SLC4A4: variants seen among roughly 807,000 people sequenced by gnomAD.
SLC4A4 encodes the protein solute carrier family 4 member 4.
Under a neutral mutation model 111.5 loss-of-function variants are expected in SLC4A4, and 27 were observed. That is an observed-to-expected ratio of 0.24 (90% CI 0.18 to 0.33). The LOEUF (loss-of-function observed/expected upper bound fraction) is 0.33. Ranked by LOEUF, SLC4A4 falls within the 10% of genes least tolerant of loss-of-function variation. SLC4A4 has a pLI of 1.00. For missense variants in SLC4A4, 909 were observed against 1,315.5 expected (o/e 0.69, Z 4.78); for synonymous variants, 443 against 463.4 (o/e 0.96, Z 0.57).
At chr4:71,156,099 G>A (rs1034082193) in intron 2 of SLC4A4, among the ~76,000 whole-genome samples, 3 of 152,184 alleles carry the variant, frequency 2.0e-5, no homozygotes, top group African/African-American at 4.8e-5. Flanking sequence ...TAAAAGCCAA[G>A]TTTTGGACTT....
chr4:71,508,079 C>T lies in SLC4A4; in HGVS notation c.2166+10387C>T, dbSNP rs6858222. ...ATGTACCAGAATCACTAGGATGTAG[C>T]TAAAACAGTGTTAAGAGGGAACTTT... On this transcript the variant is annotated intron_variant, in intron 16 of 25. Coordinates refer to ENST00000264485, the MANE Select transcript of SLC4A4 (RefSeq NM_001098484.3). 9.0e-3 allele frequency among the ~76,000 whole-genome samples: 1,374 copies of T among 152,102 alleles called. 21 individuals are homozygous for T. Among genetic ancestry groups the T allele is most frequent in the African/African-American group, 0.03 (1,259 of 41,496 alleles).
At chr4:71,320,916 G>A (rs1727068512) in intron 3 of SLC4A4, among the ~76,000 whole-genome samples, 3 of 151,962 alleles carry the variant, frequency 2.0e-5, no homozygotes, top group African/African-American at 7.2e-5. Context: ...TTTTGAAATG[G>A]CACTTACTTA....
chr4:71,367,298 G>T (rs1340463914), intron 6 of SLC4A4, among the ~76,000 whole-genome samples: 4 of 152,158 alleles, frequency 2.6e-5, no homozygotes, highest in African/African-American at 9.7e-5. Flanking sequence ...ATACACATTA[G>T]AAGCTAAAGG....
At chr4:71,414,242 T>G (rs1721645896) in intron 7 of SLC4A4, among the ~76,000 whole-genome samples, 1 of 152,180 alleles carries the variant, frequency 6.6e-6, no homozygotes, top group African/African-American at 2.4e-5. Context: ...CCCTGACATC[T>G]CTGTTTTGTT....
At chr4:71,081,684 C>A (rs535729242) in intron 1 of SLC4A4, among the ~76,000 whole-genome samples, 1 of 152,222 alleles carries the variant, frequency 6.6e-6, no homozygotes, top group East Asian at 1.9e-4. Flanking sequence ...CCAGAACTAC[C>A]ATTTGGAACT....
intron 6 of SLC4A4, among the ~76,000 whole-genome samples, chr4:71,368,927 C>T (rs964145235): frequency 6.6e-6 from 1 of 152,074 alleles, no homozygotes; most frequent in Non-Finnish European, 1.5e-5. Context: ...CTTTAACCCG[C>T]TTGTGTGATT....
chr4:71,486,866 C>CT, intron 14 of SLC4A4, 82 bp from the exon 15 acceptor site: 1 of 695,846 alleles, frequency 1.4e-6, no homozygotes, highest in Non-Finnish European at 2.3e-6. Context: ...TATAACCCTG[C>CT]TTTTAAAAAT....
chr4:71,266,046 G>C (rs557868777), intron 3 of SLC4A4, among the ~76,000 whole-genome samples: 6 of 152,158 alleles, frequency 3.9e-5, no homozygotes, highest in Non-Finnish European at 7.4e-5. Context: ...TCTTTGTTCA[G>C]CCACAAGATA....
At chr4:71,562,215 AAAAC>A (rs1206835202) in intron 23 of SLC4A4, among the ~76,000 whole-genome samples, 1 of 151,744 alleles carries the variant, frequency 6.6e-6, no homozygotes, top group Non-Finnish European at 1.5e-5. Flanking sequence ...TACCCTTTCC[AAAAC>A]AAACAAACAA....
chr4:71,330,777 T>A (rs1258541195), intron 3 of SLC4A4, among the ~76,000 whole-genome samples: 1 of 152,002 alleles, frequency 6.6e-6, no homozygotes, highest in Non-Finnish European at 1.5e-5. Flanking sequence ...CAAAAGAAAC[T>A]ACCATCAGAG....
chr4:71,331,994 C>T (rs985372215), intron 3 of SLC4A4, among the ~76,000 whole-genome samples: 2 of 152,104 alleles, frequency 1.3e-5, no homozygotes, highest in Non-Finnish European at 2.9e-5. Flanking sequence ...TGTAATGATC[C>T]TTTGAATTTC....
intron 2 of SLC4A4, among the ~76,000 whole-genome samples, chr4:71,172,249 CTTTTT>C (rs1744965182): frequency 6.6e-6 from 1 of 151,232 alleles, no homozygotes; most frequent in Non-Finnish European, 1.5e-5. Flanking sequence ...TAGATATTTT[CTTTTT>C]CTTTCTTTTT....
chr4:71,139,119 T>A (rs1373111929), intron 2 of SLC4A4, among the ~76,000 whole-genome samples: 1 of 149,610 alleles, frequency 6.7e-6, no homozygotes, highest in Non-Finnish European at 1.5e-5. Flanking sequence ...CCACAAGGGA[T>A]CATTCGGTTG....
chr4:71,566,813 A>T (rs6813934), intron 24 of SLC4A4, among the ~76,000 whole-genome samples, 191 bp from the exon 25 acceptor site: 2 of 151,532 alleles, frequency 1.3e-5, no homozygotes, highest in Non-Finnish European at 2.9e-5. Flanking sequence ...GAAAACCTAA[A>T]GTAAAAGAGA....
At chr4:71,135,436 C>T (rs1472569477) in intron 2 of SLC4A4, among the ~76,000 whole-genome samples, 3 of 151,788 alleles carry the variant, frequency 2.0e-5, no homozygotes, top group Non-Finnish European at 4.4e-5. Flanking sequence ...GCCAGGACTA[C>T]AGGCCTGCAC....
At chr4:71,507,842 A>G (rs1731555905) in intron 16 of SLC4A4, among the ~76,000 whole-genome samples, 1 of 152,218 alleles carries the variant, frequency 6.6e-6, no homozygotes. Flanking sequence ...CATAATCGGA[A>G]GTTAAACACT....
intron 1 of SLC4A4, among the ~76,000 whole-genome samples, chr4:71,204,685 G>GA (rs749633713): frequency 8.6e-5 from 13 of 151,622 alleles, no homozygotes; most frequent in Admixed American, 3.9e-4. Context: ...ACTTTAAGTG[G>GA]AAAAAAAATC....
intron 7 of SLC4A4, among the ~76,000 whole-genome samples, chr4:71,427,165 A>G (rs1229507612): frequency 1.3e-5 from 2 of 152,066 alleles, no homozygotes; most frequent in African/African-American, 2.4e-5. Context: ...AAATTCATTA[A>G]TCTCTAGTTT....
chr4:71,549,450 A>G (rs1015396538), intron 20 of SLC4A4, among the ~76,000 whole-genome samples: 2 of 151,852 alleles, frequency 1.3e-5, no homozygotes, highest in African/African-American at 2.4e-5. Context: ...GGCTCACTTC[A>G]AGTAGGTGCA....
Sources: gnomAD v4.1 joint callset for allele counts (sites outside exome capture counted in the v4.1 genomes callset) on GRCh38, gnomAD v4.1.1 for gene constraint, MANE v1.5 for transcripts, NCBI Gene and HGNC (gene_info 2026-07-23, HGNC 2026-07-21) for gene names.